Variants in WRAP73 observed in about 807,000 individuals in gnomAD.
The protein encoded by WRAP73 is WD repeat containing, antisense to TP73, also known as WD repeat-containing protein WRAP73.
A neutral mutation model predicts 59.6 loss-of-function variants in WRAP73; 55 were observed. The ratio of observed to expected loss-of-function variants is 0.92; its 90% CI spans 0.74 to 1.15. The LOEUF (loss-of-function observed/expected upper bound fraction) is 1.15. Ranked by LOEUF, WRAP73 falls within the 50% of genes most tolerant of loss-of-function variation. The pLI is 0.00. For missense variants in WRAP73, 592 were observed against 608.1 expected (o/e 0.97, Z 0.28); for synonymous variants, 265 against 258.2 (o/e 1.03, Z -0.25).
intron 5 of WRAP73, chr1:3,636,454 T>C (rs1214977541): frequency 3.3e-6 from 1 of 306,372 alleles, no homozygotes; most frequent in African/African-American, 2.2e-5. Flanking sequence ...CCCCCTCACC[T>C]TTCCTTGCCT....
In WRAP73 at chr1:3,631,652, TGTTGTCTGAG is replaced by T; in HGVS notation, c.1049-5_1053del. 6.3e-7 allele frequency: 1 copy of T among 1,592,026 alleles called. No individual in the cohort carries two copies. Among genetic ancestry groups the T allele is most frequent in the Non-Finnish European group, 8.5e-7 (1 of 1,173,808 alleles). On this transcript the variant is annotated splice_acceptor_variant and splice_polypyrimidine_tract_variant and coding_sequence_variant and intron_variant, in exon 11 of 12. Transcript: ENST00000270708. LOFTEE classifies it high-confidence loss of function. ...TCCCAGACCCAGACGGCATTGGGAA[TGTTGTCTGAG>T]GAAGGAAGGACAGGGCACCGGTGTC...
intron 9 of WRAP73, chr1:3,632,623 G>A: frequency 2.2e-6 from 1 of 455,934 alleles, no homozygotes. Context: ...GACATGGACA[G>A]GTCCTAGCTG....
rs1398688551 is a variant in WRAP73 at position 3,630,782 on chromosome 1, G to C, written c.*193C>G. 2.8e-6 allele frequency: 2 copies of C among 704,476 alleles called. No homozygotes were observed. The highest frequency in any genetic ancestry group is 4.4e-6 in the Non-Finnish European group (2 of 453,608). 43.6% of individuals were successfully genotyped at this position (704,476 alleles called of 1,614,324 possible). On this transcript the variant is annotated 3_prime_UTR_variant, in exon 12 of 12. Coordinates refer to ENST00000270708, the MANE Select transcript of WRAP73 (RefSeq NM_017818.4). ...AGAAGAGAAGTAGTTGTATAAATCA[G>C]CAAGTATTTATTTTAAATAATAAAA...
Position 3,637,025 on chromosome 1 carries a change from G to A in WRAP73, c.486C>T (p.Ile162=), listed in dbSNP as rs760371845. Reference sequence around the variant, plus strand: ...GGAGCTGCCAATCACTGCAGACGAAGATGCTCACGTAATCTTTGCAGTCGC... The same window carrying A: ...GGAGCTGCCAATCACTGCAGACGAAAATGCTCACGTAATCTTTGCAGTCGC... ...ERRDCKDYVS[I]FVCSDWQLLR... Residue 162 remains isoleucine (I), a synonymous_variant, in exon 5 of 12, where the codon ATC becomes ATT. Coordinates refer to ENST00000270708, the MANE Select transcript of WRAP73 (RefSeq NM_017818.4). 1 of 1,613,780 alleles carries A rather than the reference G, an allele frequency of 6.2e-7. No homozygotes were observed. The highest frequency in any genetic ancestry group is 1.7e-5 in the Admixed American group (1 of 60,026).
At position 3,646,997 on chromosome 1, in the gene WRAP73, G is replaced by C. The variant is rs1644698677; in HGVS notation, c.223-215C>G. On this transcript the variant is annotated intron_variant, in intron 2 of 11. Coordinates refer to ENST00000270708, the MANE Select transcript of WRAP73 (RefSeq NM_017818.4). The surrounding 1 kb of genome is among the most constrained non-coding windows in gnomAD (Gnocchi z 5.1). ...TCTTTTAGAACCTTTCATGATGAAGGGCTGGTGCTGGATTCCAGTGTAAAA... is the reference window on the plus strand; with the variant it reads ...TCTTTTAGAACCTTTCATGATGAAGCGCTGGTGCTGGATTCCAGTGTAAAA... Among the ~76,000 whole-genome samples, 1 of 152,194 alleles carries C rather than the reference G, an allele frequency of 6.6e-6. No individual in the cohort carries two copies. Among genetic ancestry groups the C allele is most frequent in the African/African-American group, 2.4e-5 (1 of 41,442 alleles).
chr1:3,638,159 C>T (rs1644605412), intron 4 of WRAP73, among the ~76,000 whole-genome samples: 2 of 152,212 alleles, frequency 1.3e-5, no homozygotes, highest in South Asian at 2.1e-4. Context: ...AAAGACAGTG[C>T]GGTGTCGTCC....
At chr1:3,632,857 C>T (rs1214000639) in intron 9 of WRAP73, 1 of 211,792 alleles carries the variant, frequency 4.7e-6, no homozygotes, top group Non-Finnish European at 9.6e-6. Flanking sequence ...TGAGCACACA[C>T]CGAGCCCCGG....
At chr1:3,638,674 C>T in intron 4 of WRAP73, 76 bp downstream of exon 4, 2 of 1,547,890 alleles carry the variant, frequency 1.3e-6, no homozygotes, top group South Asian at 2.2e-5. Context: ...CTACTTCTGC[C>T]TCTTTGAAAC....
At chr1:3,634,582 T>C in intron 8 of WRAP73, 1 of 221,558 alleles carries the variant, frequency 4.5e-6, no homozygotes, top group Non-Finnish European at 9.2e-6. Flanking sequence ...TCCCTGTCTC[T>C]CCAGCCGCAC....
chr1:3,632,637 T>C (rs188790319), intron 9 of WRAP73: 122 of 427,874 alleles, frequency 2.9e-4, no homozygotes, highest in African/African-American at 2.2e-3. Flanking sequence ...CTAGCTGCAA[T>C]CTCAGCAGCT....
intron 9 of WRAP73, chr1:3,632,730 T>C (rs898463942): frequency 2.7e-5 from 8 of 292,940 alleles, no homozygotes; most frequent in Non-Finnish European, 4.6e-5. Context: ...CCTTAGACTT[T>C]CCGGCTGTGG....
At position 3,647,492 on chromosome 1, in the gene WRAP73, C is replaced by T. The variant is rs769691984; in HGVS notation, c.138G>A (p.Thr46=). ...CGATGTGCTGGATCTGGTCTAGGCA[C>T]GTGTACAGCTGAAGGATCTGAAGGG... ...VNTLQILQLY[T]CLDQIQHIEW... is the part of the protein sequence containing the mutation. Residue 46 remains threonine, a synonymous_variant, in exon 2 of 12, where the codon ACG becomes ACA. Coordinates refer to ENST00000270708, the MANE Select transcript of WRAP73 (RefSeq NM_017818.4). The T allele has an allele frequency of 3.7e-6, 6 of 1,613,838 alleles. No individual in the cohort carries two copies. The highest frequency in any genetic ancestry group is 2.2e-5 in the East Asian group (1 of 44,896).
intron 10 of WRAP73, chr1:3,631,885 AT>A (rs61056079): frequency 4.0e-3 from 5,392 of 1,331,584 alleles, no homozygotes; most frequent in Middle Eastern, 0.019. Flanking sequence ...TTTCTTTGGT[AT>A]TTTTTTTTTT....
rs72857319 is a variant in WRAP73 at position 3,648,152 on chromosome 1, G to A, written c.70-592C>T. Among the ~76,000 whole-genome samples the A allele has an allele frequency of 2.3e-3, 345 of 152,260 alleles. 1 individual carries two copies. Among genetic ancestry groups the A allele is most frequent in the African/African-American group, 8.0e-3 (334 of 41,562 alleles). On this transcript the variant is annotated intron_variant, in intron 1 of 11. Coordinates refer to ENST00000270708, the MANE Select transcript of WRAP73 (RefSeq NM_017818.4). The stretch of plus-strand genomic sequence containing the variant: ...ATCTCCATTAACCTATTCCTAACAC[G>A]AAACGGGAAATGTTTAAGTGTTAGT...
At chr1:3,632,026 C>T (rs934328519) in intron 10 of WRAP73, 187 bp downstream of exon 10, 11 of 1,477,154 alleles carry the variant, frequency 7.4e-6, no homozygotes, top group Non-Finnish European at 8.9e-6. Flanking sequence ...CGCGGACCTG[C>T]GGCTGCTGCA....
chr1:3,633,354 T>G (rs1416843448), intron 9 of WRAP73, 44 bp downstream of exon 9: 1 of 1,541,214 alleles, frequency 6.5e-7, no homozygotes, highest in South Asian at 1.1e-5. Flanking sequence ...CGAGGAATCT[T>G]GCATTAAAAA....
chr1:3,635,362 G>A (rs749061387), intron 6 of WRAP73, 68 bp from the exon 7 acceptor site: 9 of 1,591,186 alleles, frequency 5.7e-6, no homozygotes, highest in South Asian at 1.1e-5. Flanking sequence ...ACAGACGCGG[G>A]TGCTGCAGAG....
chr1:3,641,357 A>G (rs1463271365), intron 3 of WRAP73, among the ~76,000 whole-genome samples: 1 of 152,108 alleles, frequency 6.6e-6, no homozygotes, highest in Non-Finnish European at 1.5e-5. Context: ...GACGGGAGGA[A>G]CAGGCCACTG....
At chr1:3,640,621 G>A (rs947578606) in intron 3 of WRAP73, among the ~76,000 whole-genome samples, 26 of 144,444 alleles carry the variant, frequency 1.8e-4, no homozygotes, top group Non-Finnish European at 4.7e-5. Flanking sequence ...CGTCAGCAGG[G>A]CGGGGTGGAG....
Sources: allele counts gnomAD v4.1 joint callset (sites outside exome capture counted in the v4.1 genomes callset), GRCh38; gene constraint gnomAD v4.1.1; non-coding constraint Gnocchi (gnomAD v3.1); transcripts MANE v1.5; gene names NCBI Gene and HGNC (gene_info 2026-07-23, HGNC 2026-07-21).